ORMDL1: variants seen among roughly 807,000 people sequenced by gnomAD.
The protein encoded by ORMDL1 is ORM1-like protein 1.
In ORMDL1, 10 loss-of-function variants were observed where a neutral mutation model predicts 13.0. That is an observed-to-expected ratio of 0.77 (90% CI 0.47 to 1.30). The LOEUF (loss-of-function observed/expected upper bound fraction) is 1.30, where lower values mean the gene tolerates loss of function less well. ORMDL1 is among the 50% of genes most tolerant of loss of function. The pLI is 0.00. For synonymous variants in ORMDL1, 61 were observed against 63.9 expected, an observed-to-expected ratio of 0.95 and a Z score of 0.22; for missense variants, 171 against 186.7, an observed-to-expected ratio of 0.92 and a Z score of 0.49.
At chr2:189,778,241 A>G in intron 3 of ORMDL1, 1 of 393,974 alleles carries the variant, frequency 2.5e-6, no homozygotes, top group Non-Finnish European at 5.0e-6. Flanking sequence ...CTAAAAATAC[A>G]AAAATTAGCC....
rs2048045045 is a variant in ORMDL1, at chr2:189,784,327, C to T, written c.-176G>A. On this transcript the variant is annotated 5_prime_UTR_variant, in exon 1 of 5. Transcript: ENST00000392349. ...AGGACCAGCCCGGCTGCTACGGCCG[C>T]GGATACACGCCCTCAGGCCCGGCGC... 3.3e-5 allele frequency: 5 copies of T among 152,370 alleles called. No homozygotes were observed. Among genetic ancestry groups the T allele is most frequent in the African/African-American group, 7.2e-5 (3 of 41,476 alleles). 9.4% of individuals were successfully genotyped at this position (152,370 alleles called of 1,614,324 possible). A position where few individuals can be genotyped will look rare whatever the true frequency, so the allele number is the denominator to read the frequency against.
At chr2:189,776,019 T>G (rs2047687874) in intron 3 of ORMDL1, among the ~76,000 whole-genome samples, 1 of 152,206 alleles carries the variant, frequency 6.6e-6, no homozygotes, top group Admixed American at 6.5e-5. Context: ...ATTCAGATTT[T>G]CTTACACTTT....
In ORMDL1 at chr2:189,770,555, T is replaced by A. The variant is rs1027662163; in HGVS notation, c.*1212A>T. The A allele has an allele frequency of 7.9e-5, 12 of 152,230 alleles. No homozygotes were observed. Among genetic ancestry groups the A allele is most frequent in the African/African-American group, 2.9e-4 (12 of 41,464 alleles). The allele number at this position is 152,230 out of a possible 1,614,324, so 9.4% of individuals were successfully genotyped here. On this transcript the variant is annotated 3_prime_UTR_variant, in exon 5 of 5. Transcript: ENST00000392349. ...AATTCTGTTTATAAATGTTACTGAATTTTTAAATTTTGTCCCATATCTGAA... is the reference window on the plus strand; with the variant it reads ...AATTCTGTTTATAAATGTTACTGAAATTTTAAATTTTGTCCCATATCTGAA...
intron 1 of ORMDL1, chr2:189,783,403 C>T (rs1458667695): frequency 6.6e-6 from 1 of 152,162 alleles, no homozygotes; most frequent in African/African-American, 2.4e-5. Flanking sequence ...TGAAGAACAC[C>T]TATCATCCGA....
chr2:189,768,156 A>T (rs2047513609), downstream of ORMDL1, among the ~76,000 whole-genome samples: 1 of 152,176 alleles, frequency 6.6e-6, no homozygotes, highest in African/African-American at 2.4e-5. Context: ...AACAAAGGAG[A>T]GTTTATCTCT....
Position 189,775,478 on chromosome 2 carries a change from A to G in ORMDL1, c.326+87T>C, listed in dbSNP as rs527712067. The stretch of plus-strand genomic sequence containing the variant: ...CTTATTGATAGAAGTTTGCAACAAA[A>G]TATGTTTCTAATTCCAATTCAATCT... On this transcript the variant is annotated intron_variant, in intron 4 of 4. Coordinates refer to ENST00000392349, the MANE Select transcript of ORMDL1 (RefSeq NM_016467.5). The G allele has an allele frequency of 2.2e-5, 31 of 1,383,736 alleles. No individual in the cohort carries two copies. The South Asian group carries it at 4.2e-4, about 19-fold the overall frequency. 85.7% of individuals were successfully genotyped at this position (1,383,736 alleles called of 1,614,324 possible). A position where few individuals can be genotyped will look rare whatever the true frequency, so the allele number is the denominator to read the frequency against.
rs528901224 is a variant in ORMDL1 at position 189,779,509 on chromosome 2, T to C, written c.174+2913A>G. 3.9e-5 allele frequency among the ~76,000 whole-genome samples: 6 copies of C among 152,352 alleles called. No individual in the cohort carries two copies. In the South Asian group the frequency reaches 1.2e-3, roughly 32 times the overall value. The stretch of plus-strand genomic sequence containing the variant: ...ATGAGAGCAAGATGATTTTCTTTAT[T>C]GCTAGTGTATAGCCTCTATTTAGAG... On this transcript the variant is annotated intron_variant, in intron 3 of 4. Transcript: ENST00000392349.
At chr2:189,778,096 GGGT>G in intron 3 of ORMDL1, 3 of 441,872 alleles carry the variant, frequency 6.8e-6, no homozygotes, top group Non-Finnish European at 9.0e-6. Flanking sequence ...CACGGTTAGG[GGGT>G]GGTGGTGGTA....
rs758278143 is a variant in ORMDL1, at chr2:189,775,584, T to C, written c.307A>G (p.Thr103Ala). 1 of 1,601,264 alleles carries C rather than the reference T, an allele frequency of 6.2e-7. No homozygotes were observed. The highest frequency in any genetic ancestry group is 1.3e-5 in the African/African-American group (1 of 74,160). Reference sequence around the variant, plus strand: ...ACTTACAGAATTATTGGAGAAATTGTGAAAAACTTCCGTGAAGATGTAAAC... The same window carrying C: ...ACTTACAGAATTATTGGAGAAATTGCGAAAAACTTCCGTGAAGATGTAAAC... ...VQFTSSRKFF[T>A]ISPIILYFLA... The change falls in exon 4 of 5, where the codon ACA (threonine) becomes GCA (alanine). Residue 103 changes from threonine to alanine, a missense_variant. Thr to Ala is a moderately conservative substitution (Grantham distance 58, BLOSUM62 0). Coordinates refer to ENST00000392349, the MANE Select transcript of ORMDL1 (RefSeq NM_016467.5).
chr2:189,766,740 AAAC>A (rs2106132950), downstream of ORMDL1, among the ~76,000 whole-genome samples: 1 of 152,174 alleles, frequency 6.6e-6, no homozygotes, highest in East Asian at 1.9e-4. Context: ...AAAAAAAACA[AAAC>A]AAAAACAAGA....
intron 3 of ORMDL1, among the ~76,000 whole-genome samples, chr2:189,778,994 G>A (rs1304868826): frequency 6.6e-6 from 1 of 152,074 alleles, no homozygotes; most frequent in Non-Finnish European, 1.5e-5. Context: ...GACTAGACTG[G>A]GTAACACAGC....
rs567434443 is a variant in ORMDL1, at chr2:189,782,511, C to T, written c.85G>A (p.Gly29Arg). 1.9e-6 allele frequency: 3 copies of T among 1,613,990 alleles called. No homozygotes were observed. The African/African-American group carries it at 4.0e-5, about 22-fold the overall frequency. Residue 29 changes from glycine (G) to arginine (R), a missense_variant, in exon 3 of 5, where the codon GGA becomes AGA. Physicochemically the swap from Gly to Arg is moderately radical, Grantham distance 125. Coordinates refer to ENST00000392349, the MANE Select transcript of ORMDL1 (RefSeq NM_016467.5). ...SRGMWLTYAL[G>R]VGLLHIVLLS... Reference sequence around the variant, plus strand: ...AAGACAATATGAAGCAAGCCAACTCCCAATGCATATGTCAGCCACATACCC... The same window carrying T: ...AAGACAATATGAAGCAAGCCAACTCTCAATGCATATGTCAGCCACATACCC...
chr2:189,767,592 G>T (rs1194741356), downstream of ORMDL1, among the ~76,000 whole-genome samples: 4 of 152,148 alleles, frequency 2.6e-5, no homozygotes, highest in Non-Finnish European at 1.5e-5. Context: ...ATTTTACAAT[G>T]TTAATGAAGT....
chr2:189,778,328 G>A, intron 3 of ORMDL1: 2 of 445,268 alleles, frequency 4.5e-6, no homozygotes, highest in South Asian at 3.2e-5. Context: ...CCAGGAGGGG[G>A]AGGTTGCAGT....
chr2:189,765,554 T>G (rs1252711000), downstream of ORMDL1: 1 of 152,238 alleles, frequency 6.6e-6, no homozygotes, highest in Admixed American at 6.5e-5. Context: ...TAAAAGCCAT[T>G]AATACTAATG....
chr2:189,782,878 T>A (rs527710128), intron 2 of ORMDL1, 136 bp downstream of exon 2: 8 of 304,158 alleles, frequency 2.6e-5, no homozygotes, highest in Non-Finnish European at 4.2e-5. Flanking sequence ...TTCTAGCATG[T>A]TGTTTTACTG....
downstream of ORMDL1, among the ~76,000 whole-genome samples, chr2:189,768,034 T>G (rs184637310): frequency 1.3e-5 from 2 of 152,362 alleles, no homozygotes; most frequent in East Asian, 3.9e-4. Context: ...ATGAAAATTT[T>G]TAAACCCAAC....
rs753626084 is a variant in ORMDL1 at position 189,771,897 on chromosome 2, A to T, written c.332T>A (p.Phe111Tyr). Residue 111 changes from phenylalanine to tyrosine, a missense_variant, in exon 5 of 5, where the codon TTT (phenylalanine) becomes TAT (tyrosine). Coordinates refer to ENST00000392349, the MANE Select transcript of ORMDL1 (RefSeq NM_016467.5). The stretch of plus-strand genomic sequence containing the variant: ...ATACTTCGTATAGAAACTTGCCAGA[A>T]AATATCTGTAGAGATAAAAGTTAAG... ...FFTISPIILY[F>Y]LASFYTKYDP... 1 of 1,585,340 alleles carries T rather than the reference A, an allele frequency of 6.3e-7. No homozygotes were observed. The highest frequency in any genetic ancestry group is 1.1e-5 in the South Asian group (1 of 87,314).
chr2:189,781,949 T>A (rs1009344665), intron 3 of ORMDL1, among the ~76,000 whole-genome samples: 2 of 151,672 alleles, frequency 1.3e-5, no homozygotes, highest in African/African-American at 4.8e-5. Flanking sequence ...TAGACACTTT[T>A]TTTTTTTTTT....
Sources: gnomAD v4.1 joint callset for allele counts (sites outside exome capture counted in the v4.1 genomes callset) on GRCh38, gnomAD v4.1.1 for gene constraint, MANE v1.5 for transcripts, NCBI Gene and HGNC (gene_info 2026-07-23, HGNC 2026-07-21) for gene names.